Variants in SEC14L1 observed in about 807,000 individuals in gnomAD.
SEC14L1 encodes SEC14 like lipid binding 1, also known as SEC14-like protein 1.
SEC14L1 carries 48 observed loss-of-function variants against 85.3 expected under a neutral mutation model. The ratio of observed to expected loss-of-function variants is 0.56; its 90% confidence interval spans 0.45 to 0.72. SEC14L1 has a LOEUF of 0.72. Among genes scored for constraint, SEC14L1 ranks in the 30% least tolerant of loss-of-function variants. The pLI, the probability that SEC14L1 is intolerant of heterozygous loss-of-function variation, is 0.00. For missense variants in SEC14L1, 682 were observed against 921.4 expected (o/e 0.74, Z 3.36); for synonymous variants, 391 against 355.5 (o/e 1.10, Z -1.12).
chr17:77,183,840 T>C (rs1167818845), intron 3 of SEC14L1, among the ~76,000 whole-genome samples: 2 of 152,066 alleles, frequency 1.3e-5, no homozygotes, highest in Non-Finnish European at 2.9e-5. Flanking sequence ...GACATTTTTT[T>C]TTTCGTTTAA....
At chr17:77,126,733 G>C (rs1376507145) in intron 3 of SEC14L1, among the ~76,000 whole-genome samples, 1 of 152,208 alleles carries the variant, frequency 6.6e-6, no homozygotes, top group Non-Finnish European at 1.5e-5. Flanking sequence ...TCAAAGCCCA[G>C]AGTCTACAAC....
intron 14 of SEC14L1, chr17:77,211,339 C>T (rs544870732): frequency 6.5e-6 from 1 of 152,982 alleles, no homozygotes; most frequent in Non-Finnish European, 1.5e-5. Context: ...TTTGATTATT[C>T]CCTCCTGGGT....
intron 3 of SEC14L1, among the ~76,000 whole-genome samples, chr17:77,126,701 C>T (rs1286100460): frequency 6.6e-6 from 1 of 152,236 alleles, no homozygotes; most frequent in East Asian, 1.9e-4. Context: ...AGGACAGCAA[C>T]ATCCTTTGTT....
intron 3 of SEC14L1, among the ~76,000 whole-genome samples, chr17:77,188,384 G>A (rs1440948347): frequency 6.7e-6 from 1 of 149,736 alleles, no homozygotes; most frequent in Non-Finnish European, 1.5e-5. Flanking sequence ...TTATGGACAG[G>A]GAATCATACC....
intron 9 of SEC14L1, among the ~76,000 whole-genome samples, 174 bp from the exon 10 acceptor site, chr17:77,203,396 T>TA (rs1333155361): frequency 6.6e-6 from 1 of 152,192 alleles, no homozygotes; most frequent in Non-Finnish European, 1.5e-5. Context: ...TTGGGGTAAA[T>TA]ATTGGACACA....
At chr17:77,157,676 C>A (rs892720482) in intron 3 of SEC14L1, among the ~76,000 whole-genome samples, 2 of 151,944 alleles carry the variant, frequency 1.3e-5, no homozygotes, top group Non-Finnish European at 2.9e-5. Flanking sequence ...TACAGGCATG[C>A]GCCACCATCC....
At chr17:77,135,844 CTCTTTCCT>C (rs983036278) in intron 3 of SEC14L1, among the ~76,000 whole-genome samples, 4 of 150,988 alleles carry the variant, frequency 2.6e-5, no homozygotes, top group African/African-American at 9.7e-5. Context: ...CTCTCTCTCT[CTCTTTCCT>C]TCTTTCCTTC....
chr17:77,138,332 G>A (rs1202655923), upstream of SEC14L1, among the ~76,000 whole-genome samples: 1 of 152,112 alleles, frequency 6.6e-6, no homozygotes, highest in Non-Finnish European at 1.5e-5. Flanking sequence ...GCAAGTAGGA[G>A]GTTGGTGGGC....
intron 3 of SEC14L1, among the ~76,000 whole-genome samples, chr17:77,145,471 G>A (rs1222758779): frequency 1.3e-5 from 2 of 152,180 alleles, no homozygotes; most frequent in East Asian, 3.8e-4. Flanking sequence ...GTGTGGGTAA[G>A]AAGCTCTGTG....
intron 5 of SEC14L1, 116 bp from the exon 6 acceptor site, chr17:77,193,304 TA>T: frequency 1.1e-6 from 1 of 947,240 alleles, no homozygotes; most frequent in Non-Finnish European, 1.5e-6. Flanking sequence ...GTCTTTATGG[TA>T]GTAGCATTGT....
At chr17:77,166,369 C>G (rs994603748) in intron 3 of SEC14L1, among the ~76,000 whole-genome samples, 3 of 152,178 alleles carry the variant, frequency 2.0e-5, no homozygotes, top group Non-Finnish European at 2.9e-5. Context: ...CCCCAAGGAC[C>G]ACTTTTAATG....
Position 77,201,670 on chromosome 17 carries a change from C to T in SEC14L1, c.1009+997C>T, listed in dbSNP as rs191515403. On this transcript the variant is annotated intron_variant, in intron 9 of 16. Transcript: ENST00000436233. ...TTCACCATATTGGCCAGGCTGGTCT[C>T]GAACTCCTGACCTCGTGATCTGCCC... 3.2e-3 allele frequency among the ~76,000 whole-genome samples: 480 copies of T among 152,194 alleles called. 2 individuals carry two copies. The highest frequency in any genetic ancestry group is 0.011 in the African/African-American group (450 of 41,532).
intron 3 of SEC14L1, chr17:77,094,943 A>G (rs1042656290): frequency 2.6e-5 from 4 of 152,320 alleles, no homozygotes; most frequent in African/African-American, 9.6e-5. Flanking sequence ...GGGGAAAAAA[A>G]AAGTGTATAT....
rs1567943068 is a variant in SEC14L1 at position 77,215,892 on chromosome 17, C to CGTAGGTAGGGCTA, written c.*1880_*1892dup. The CGTAGGTAGGGCTA allele has an allele frequency of 1.1e-6, 1 of 918,006 alleles. No individual in the cohort carries two copies. Among genetic ancestry groups the CGTAGGTAGGGCTA allele is most frequent in the African/African-American group, 2.7e-5 (1 of 37,626 alleles). The allele number at this position is 918,006 out of a possible 1,614,324, so 56.9% of individuals were successfully genotyped here. On this transcript the variant is annotated 3_prime_UTR_variant, in exon 17 of 17. Coordinates refer to ENST00000436233, the MANE Select transcript of SEC14L1 (RefSeq NM_001143998.2). ...GTAGGTAGGGTTCGTAGGTAGGGTT[C>CGTAGGTAGGGCTA]GTAGGTAGGGCTAGTAGGTAGGGTT...
At chr17:77,204,026 C>G (rs1770086110) in intron 10 of SEC14L1, among the ~76,000 whole-genome samples, 1 of 152,076 alleles carries the variant, frequency 6.6e-6, no homozygotes, top group South Asian at 2.1e-4. Flanking sequence ...CGTCTTTCTC[C>G]AGACCCTCCT....
At chr17:77,146,082 G>A (rs568418938) in intron 3 of SEC14L1, among the ~76,000 whole-genome samples, 2 of 152,264 alleles carry the variant, frequency 1.3e-5, no homozygotes, top group Admixed American at 1.3e-4. Context: ...CCCGACCCCT[G>A]CCCTGGTCCT....
Position 77,205,356 on chromosome 17 carries a change from G to A in SEC14L1, c.1169+10G>A, listed in dbSNP as rs1976412624. 1.2e-6 allele frequency: 2 copies of A among 1,612,204 alleles called. No homozygotes were observed. Among genetic ancestry groups the A allele is most frequent in the East Asian group, 4.5e-5 (2 of 44,864 alleles). On this transcript the variant is annotated intron_variant, in intron 11 of 16. Transcript: ENST00000436233. The stretch of plus-strand genomic sequence containing the variant: ...TTGGTCGGCCTATCAGGTAGATGTG[G>A]GATTTTGTTTTTCCTTTCAACTTAC...
chr17:77,101,238 G>A (rs1255146120), intron 3 of SEC14L1, among the ~76,000 whole-genome samples: 1 of 151,974 alleles, frequency 6.6e-6, no homozygotes, highest in Non-Finnish European at 1.5e-5. Flanking sequence ...AGGCTGGAGT[G>A]CAATGGCACA....
At chr17:77,107,583 G>GATACAGGAGTC (rs1971943139) in intron 3 of SEC14L1, among the ~76,000 whole-genome samples, 2 of 151,878 alleles carry the variant, frequency 1.3e-5, no homozygotes, top group Non-Finnish European at 1.5e-5. Context: ...AGAGAAATGA[G>GATACAGGAGTC]ATACAGGAGT....
Sources: allele counts gnomAD v4.1 joint callset (sites outside exome capture counted in the v4.1 genomes callset), GRCh38; gene constraint gnomAD v4.1.1; transcripts MANE v1.5; gene names NCBI Gene and HGNC (gene_info 2026-07-23, HGNC 2026-07-21).